The following PALM2AKAP2 variants were observed in gnomAD, a reference collection of about 807,000 sequenced individuals.
The protein encoded by PALM2AKAP2 is PALM2 and AKAP2 fusion.
PALM2AKAP2 carries 37 observed loss-of-function variants against 71.5 expected under a neutral mutation model. The ratio of observed to expected loss-of-function variants is 0.52; its 90% CI spans 0.40 to 0.68. PALM2AKAP2 has a LOEUF of 0.68. Ranked by LOEUF, PALM2AKAP2 falls within the 30% of genes least tolerant of loss-of-function variation. The pLI is 0.00. For missense variants in PALM2AKAP2, 1,224 were observed against 1,191.8 expected (o/e 1.03, Z -0.40); for synonymous variants, 468 against 478.8 (o/e 0.98, Z 0.29).
chr9:109,931,922 AC>A lies in PALM2AKAP2; in HGVS notation c.395-3del, dbSNP rs547916509. ...CTAATTGTATTCCCTGTTCTCTGCTACCAGATGCAGTAAATTACATTTCCTC... is the reference window on the plus strand; with the variant it reads ...CTAATTGTATTCCCTGTTCTCTGCTACAGATGCAGTAAATTACATTTCCTC... On this transcript the variant is annotated splice_region_variant and splice_polypyrimidine_tract_variant and intron_variant, in intron 5 of 9. Transcript: ENST00000302798. 561 of 1,613,738 alleles carry A rather than the reference AC, an allele frequency of 3.5e-4. 3 individuals carry two copies. The East Asian group carries it at 0.012, about 35-fold the overall frequency.
intron 6 of PALM2AKAP2, among the ~76,000 whole-genome samples, chr9:109,998,784 G>T (rs865886510): frequency 1.5e-5 from 2 of 130,176 alleles, no homozygotes; most frequent in African/African-American, 5.9e-5. Flanking sequence ...AAAAAAAAAG[G>T]GGGGATAGTC....
chr9:109,688,208 T>C (rs550181796), intron 1 of PALM2AKAP2, among the ~76,000 whole-genome samples: 71 of 152,352 alleles, frequency 4.7e-4, no homozygotes, highest in African/African-American at 1.7e-3. Context: ...ATGGTGCTGA[T>C]AGATTTATTC....
chr9:109,687,224 A>G (rs1224592215), intron 1 of PALM2AKAP2, among the ~76,000 whole-genome samples: 1 of 152,188 alleles, frequency 6.6e-6, no homozygotes, highest in Admixed American at 6.5e-5. Context: ...GTCACCAGCT[A>G]TATTAGCCCC....
intron 7 of PALM2AKAP2, chr9:110,024,896 A>T: frequency 8.9e-7 from 1 of 1,124,858 alleles, no homozygotes; most frequent in Non-Finnish European, 1.4e-6. Flanking sequence ...CCATGAATTC[A>T]TAGGGAATAG....
intron 1 of PALM2AKAP2, among the ~76,000 whole-genome samples, chr9:109,829,841 C>G (rs1210382255): frequency 6.6e-6 from 1 of 151,878 alleles, no homozygotes; most frequent in Non-Finnish European, 1.5e-5. Context: ...TGCAAAATAA[C>G]CTTGATTTAG....
At chr9:109,967,522 G>A (rs1831977134) in intron 6 of PALM2AKAP2, among the ~76,000 whole-genome samples, 1 of 151,594 alleles carries the variant, frequency 6.6e-6, no homozygotes. Flanking sequence ...TGATTCTTGT[G>A]CCTCAGACTC....
chr9:109,935,313 G>A (rs1213933417), intron 6 of PALM2AKAP2, among the ~76,000 whole-genome samples: 1 of 152,142 alleles, frequency 6.6e-6, no homozygotes, highest in Admixed American at 6.5e-5. Flanking sequence ...TGCTAAAAAT[G>A]TTGCATGTTG....
chr9:109,757,501 G>A (rs567338177), intron 1 of PALM2AKAP2, among the ~76,000 whole-genome samples: 9 of 152,222 alleles, frequency 5.9e-5, no homozygotes. Context: ...GGCAAAGAGA[G>A]AGGCAGGTCT....
chr9:109,852,435 C>T (rs1207701515), intron 1 of PALM2AKAP2, among the ~76,000 whole-genome samples: 1 of 152,170 alleles, frequency 6.6e-6, no homozygotes, highest in African/African-American at 2.4e-5. Flanking sequence ...TTATCCAATA[C>T]ACTGTTGATG....
chr9:110,009,713 CAAA>C (rs535271745), intron 6 of PALM2AKAP2, among the ~76,000 whole-genome samples: 8 of 71,890 alleles, frequency 1.1e-4, no homozygotes, highest in Admixed American at 3.4e-4. Context: ...GACTCTGTCT[CAAA>C]AAAAAAAAAA....
chr9:109,864,277 A>G (rs1171135022), intron 1 of PALM2AKAP2, among the ~76,000 whole-genome samples: 1 of 152,232 alleles, frequency 6.6e-6, no homozygotes. Context: ...GGGGAAATGT[A>G]TGACTACAGC....
At chr9:109,835,311 G>A in intron 1 of PALM2AKAP2, among the ~76,000 whole-genome samples, 1 of 147,782 alleles carries the variant, frequency 6.8e-6, no homozygotes, top group Non-Finnish European at 1.5e-5. Context: ...AAGAGGGGAG[G>A]GTGGAGAGAT....
intron 1 of PALM2AKAP2, among the ~76,000 whole-genome samples, chr9:109,795,926 A>G (rs1300508375): frequency 1.3e-5 from 2 of 152,240 alleles, no homozygotes; most frequent in Non-Finnish European, 2.9e-5. Flanking sequence ...GTTGATGGGA[A>G]TAGAAGTCAG....
chr9:109,956,545 G>A (rs1588032267), intron 6 of PALM2AKAP2, among the ~76,000 whole-genome samples: 1 of 152,136 alleles, frequency 6.6e-6, no homozygotes, highest in African/African-American at 2.4e-5. Flanking sequence ...AGAGTACAAA[G>A]ATAGAGTCAG....
chr9:110,064,297 A>G (rs1319126829), intron 1 of PALM2AKAP2, among the ~76,000 whole-genome samples: 1 of 152,220 alleles, frequency 6.6e-6, no homozygotes. Context: ...TGGAAGCCAA[A>G]GAGAAAATTC....
rs542577827 is a variant in PALM2AKAP2 at position 109,811,639 on chromosome 9, A to C, written c.45+31106A>C. Among the ~76,000 whole-genome samples the C allele has an allele frequency of 3.9e-5, 6 of 152,218 alleles. No homozygotes were observed. The South Asian group carries it at 1.2e-3, about 32-fold the overall frequency. On this transcript the variant is annotated intron_variant, in intron 1 of 9. Coordinates refer to the PALM2AKAP2 transcript ENST00000302798. ...CAGGCTGGAATGCAGTACCATGATCATAGCTCACTGCAGCCTTGAAGTCCT... is the reference window on the plus strand; with the variant it reads ...CAGGCTGGAATGCAGTACCATGATCCTAGCTCACTGCAGCCTTGAAGTCCT...
chr9:109,676,036 A>G (rs369958196), intron 1 of PALM2AKAP2, among the ~76,000 whole-genome samples: 2 of 152,178 alleles, frequency 1.3e-5, no homozygotes, highest in African/African-American at 4.8e-5. Context: ...CAAATGACCT[A>G]TTGTTACCTT....
chr9:109,665,263 G>C (rs1827464489), intron 1 of PALM2AKAP2, among the ~76,000 whole-genome samples: 1 of 152,086 alleles, frequency 6.6e-6, no homozygotes, highest in Admixed American at 6.5e-5. Flanking sequence ...AGGAGAAGAG[G>C]CGTTCTGATT....
upstream of PALM2AKAP2, among the ~76,000 whole-genome samples, chr9:110,044,528 T>A (rs902541005): frequency 4.6e-5 from 7 of 151,644 alleles, no homozygotes; most frequent in African/African-American, 1.7e-4. Context: ...ATTTTTGTAT[T>A]TTTAGTAGAG....
Sources: gnomAD v4.1 joint callset for allele counts (sites outside exome capture counted in the v4.1 genomes callset) on GRCh38, gnomAD v4.1.1 for gene constraint, MANE v1.5 for transcripts, NCBI Gene and HGNC (gene_info 2026-07-23, HGNC 2026-07-21) for gene names.